MSI2: variants seen among roughly 807,000 people sequenced by gnomAD.
MSI2 encodes RNA-binding protein Musashi homolog 2.
In MSI2, 17 loss-of-function variants were observed where a neutral mutation model predicts 45.6. The observed-to-expected ratio is 0.37, with a 90% CI of 0.26 to 0.56. The LOEUF (loss-of-function observed/expected upper bound fraction) is 0.56, where lower values mean the gene tolerates loss of function less well. MSI2 is among the 20% of genes least tolerant of loss of function. The pLI is 0.77. For synonymous variants in MSI2, 156 were observed against 158.2 expected (o/e 0.99, Z 0.11); for missense variants, 293 against 444.2 (o/e 0.66, Z 3.06).
intron 8 of MSI2, among the ~76,000 whole-genome samples, chr17:57,604,700 G>A (rs1181997321): frequency 6.6e-6 from 1 of 152,194 alleles, no homozygotes; most frequent in Non-Finnish European, 1.5e-5. Flanking sequence ...GATTGACTCG[G>A]AACAGGGGAT....
intron 6 of MSI2, among the ~76,000 whole-genome samples, chr17:57,512,488 A>G (rs1029800348): frequency 7.2e-5 from 11 of 152,166 alleles, no homozygotes; most frequent in African/African-American, 2.2e-4. Context: ...TCTCTTTGCT[A>G]TGCAGGATGA....
chr17:57,411,979 C>T (rs964976732), intron 6 of MSI2, among the ~76,000 whole-genome samples: 3 of 151,820 alleles, frequency 2.0e-5, no homozygotes, highest in Non-Finnish European at 2.9e-5. Flanking sequence ...TGCACTCCAG[C>T]CTGGGCGACA....
chr17:57,450,825 A>G (rs1056427316), intron 6 of MSI2, among the ~76,000 whole-genome samples: 3 of 151,506 alleles, frequency 2.0e-5, no homozygotes, highest in African/African-American at 7.3e-5. Flanking sequence ...ACTCTTCTGT[A>G]TACTCAGAGA....
rs545297440 is a variant in MSI2, at chr17:57,539,154, C to G, written c.454+9430C>G. Among the ~76,000 whole-genome samples, 5 of 150,300 alleles carry G rather than the reference C, an allele frequency of 3.3e-5. No homozygotes were observed. In the East Asian group the frequency reaches 9.8e-4, roughly 29 times the overall value. ...CCTGAGATACAGAGACGGAGGGAAT[C>G]TTTTTATTATATACTCATTTACTTT... On this transcript the variant is annotated intron_variant, in intron 7 of 13. Coordinates refer to ENST00000284073, the MANE Select transcript of MSI2 (RefSeq NM_138962.4).
At chr17:57,484,784 A>G (rs1489385990) in intron 6 of MSI2, among the ~76,000 whole-genome samples, 4 of 151,928 alleles carry the variant, frequency 2.6e-5, no homozygotes, top group Non-Finnish European at 5.9e-5. Flanking sequence ...CAGACCACCC[A>G]TGGTTGTTTT....
chr17:57,433,086 A>G (rs1339865633), intron 6 of MSI2, among the ~76,000 whole-genome samples: 4 of 152,138 alleles, frequency 2.6e-5, no homozygotes, highest in African/African-American at 7.2e-5. Context: ...AGGCACCATG[A>G]TCAGTGCTGC....
At chr17:57,644,488 TGGTCTGCCC>T (rs1365748647) in intron 10 of MSI2, among the ~76,000 whole-genome samples, 1 of 152,166 alleles carries the variant, frequency 6.6e-6, no homozygotes, top group African/African-American at 2.4e-5. Context: ...CGCATCAGGC[TGGTCTGCCC>T]GGGAGGTGGG....
intron 5 of MSI2, among the ~76,000 whole-genome samples, chr17:57,300,840 C>T (rs1171229531): frequency 2.0e-5 from 3 of 152,174 alleles, no homozygotes; most frequent in Non-Finnish European, 4.4e-5. Context: ...ACCACAAGAA[C>T]AGTACAGGGG....
At chr17:57,380,976 A>G (rs1388167244) in intron 5 of MSI2, among the ~76,000 whole-genome samples, 1 of 152,012 alleles carries the variant, frequency 6.6e-6, no homozygotes, top group Non-Finnish European at 1.5e-5. Flanking sequence ...CCTGACCCCC[A>G]TCTTACACAT....
intron 13 of MSI2, among the ~76,000 whole-genome samples, chr17:57,677,276 G>T (rs903919084): frequency 2.0e-5 from 3 of 151,998 alleles, no homozygotes; most frequent in Non-Finnish European, 4.4e-5. Context: ...CCACCTTTTT[G>T]ACTCTCTCTC....
At position 57,526,356 on chromosome 17, in the gene MSI2, GGTGTGTGT is replaced by G. The variant is rs71143203; in HGVS notation, c.406-3274_406-3267del. On this transcript the variant is annotated intron_variant, in intron 6 of 13. Transcript: ENST00000284073. ...TCTTCATAGCCCCCTGATATACCTGGGTGTGTGTGTGTGTGTGTGTGTGTGTGTGTGTG... is the reference window on the plus strand; with the variant it reads ...TCTTCATAGCCCCCTGATATACCTGGGTGTGTGTGTGTGTGTGTGTGTGTG... 3.1e-3 allele frequency among the ~76,000 whole-genome samples: 385 copies of G among 122,578 alleles called. 8 individuals carry two copies. The highest frequency in any genetic ancestry group is 0.013 in the East Asian group (53 of 3,954). The allele number at this position is 122,578 out of a possible 152,430, so 80.4% of individuals were successfully genotyped here.
chr17:57,360,435 T>A (rs989278421), intron 5 of MSI2, among the ~76,000 whole-genome samples: 2 of 152,240 alleles, frequency 1.3e-5, no homozygotes, highest in Non-Finnish European at 1.5e-5. Flanking sequence ...CTGAGTAGGG[T>A]TTTGGCTTTG....
downstream of MSI2, among the ~76,000 whole-genome samples, chr17:57,688,902 CTA>C (rs978675342): frequency 1.3e-5 from 2 of 152,078 alleles, no homozygotes; most frequent in African/African-American, 4.8e-5. Flanking sequence ...AAGTGTGACT[CTA>C]TGAAAATACA....
chr17:57,283,199 C>G (rs767377734), intron 5 of MSI2, among the ~76,000 whole-genome samples: 3 of 152,034 alleles, frequency 2.0e-5, no homozygotes, highest in Non-Finnish European at 4.4e-5. Flanking sequence ...TCAAACTCAC[C>G]GGGACTTCTA....
intron 5 of MSI2, among the ~76,000 whole-genome samples, chr17:57,286,749 A>C (rs185953269): frequency 6.6e-6 from 1 of 152,044 alleles, no homozygotes; most frequent in Non-Finnish European, 1.5e-5. Context: ...CCTAAGGCAA[A>C]ATGACCTTCC....
chr17:57,307,565 C>T (rs1598099560), intron 5 of MSI2, among the ~76,000 whole-genome samples: 1 of 152,296 alleles, frequency 6.6e-6, no homozygotes, highest in East Asian at 1.9e-4. Context: ...GCTGGGATTA[C>T]AGGCACCTGC....
intron 4 of MSI2, 180 bp from the exon 5 acceptor site, chr17:57,261,971 A>G (rs1014480073): frequency 3.3e-6 from 2 of 610,596 alleles, no homozygotes. Context: ...TAGTTACCTG[A>G]TCTGTTGGAG....
At chr17:57,650,912 A>G (rs1352212744) in intron 10 of MSI2, among the ~76,000 whole-genome samples, 5 of 152,102 alleles carry the variant, frequency 3.3e-5, no homozygotes, top group African/African-American at 1.2e-4. Flanking sequence ...TTCCTTGTTT[A>G]AAAGGCTCAG....
At position 57,354,914 on chromosome 17, in the gene MSI2, A is replaced by G. The variant is rs57225896; in HGVS notation, c.313-46465A>G. 3.8e-3 allele frequency among the ~76,000 whole-genome samples: 572 copies of G among 152,334 alleles called. 14 individuals carry two copies. Among genetic ancestry groups the G allele is most frequent in the East Asian group, 0.03 (157 of 5,192 alleles). ...GTGGAAGTGGTTTTATGGGGCCACA[A>G]AACTGAGTGTTGAAAATAAAGATAG... On this transcript the variant is annotated intron_variant, in intron 5 of 13. Transcript: ENST00000284073.
Sources: allele counts gnomAD v4.1 joint callset (sites outside exome capture counted in the v4.1 genomes callset), GRCh38; gene constraint gnomAD v4.1.1; transcripts MANE v1.5; gene names NCBI Gene and HGNC (gene_info 2026-07-23, HGNC 2026-07-21).